Variants in PRKCE observed in about 807,000 individuals in gnomAD.
PRKCE encodes protein kinase C epsilon type.
Under a neutral mutation model 85.4 loss-of-function variants are expected in PRKCE, and 16 were observed. The observed-to-expected ratio is 0.19, with a 90% CI of 0.13 to 0.28. PRKCE has a LOEUF of 0.28. PRKCE is among the 10% of genes least tolerant of loss of function. The probability of loss-of-function intolerance (pLI) is 1.00; values close to 1 mark genes in which losing one functional copy is unlikely to be tolerated. For synonymous variants in PRKCE, 388 were observed against 371.5 expected (o/e 1.04, Z -0.51); for missense variants, 573 against 975.2 (o/e 0.59, Z 5.49).
Position 46,151,234 on chromosome 2 carries a change from G to GTCAC in PRKCE, c.1920+7_1920+10dup, listed in dbSNP as rs1288393487. On this transcript the variant is annotated splice_donor_region_variant and intron_variant, in intron 13 of 14. Coordinates refer to ENST00000306156, the MANE Select transcript of PRKCE (RefSeq NM_005400.3). The stretch of plus-strand genomic sequence containing the variant: ...GCTGTCAGCATCTTGAAAGCTGTGA[G>GTCAC]TCACTGCCCCTCACCCATGGCTGTG... 6.3e-7 allele frequency: 1 copy of GTCAC among 1,593,642 alleles called. No individual in the cohort carries two copies. Among genetic ancestry groups the GTCAC allele is most frequent in the African/African-American group, 1.3e-5 (1 of 74,178 alleles).
At chr2:45,891,526 G>C (rs114157149) in intron 2 of PRKCE, among the ~76,000 whole-genome samples, 1 of 152,146 alleles carries the variant, frequency 6.6e-6, no homozygotes, top group East Asian at 1.9e-4. Context: ...TTTTCACCCC[G>C]TCAAGTTTCC....
chr2:46,024,507 G>C (rs1706946495), intron 10 of PRKCE, among the ~76,000 whole-genome samples: 1 of 152,060 alleles, frequency 6.6e-6, no homozygotes, highest in Admixed American at 6.6e-5. Flanking sequence ...TATTCACCTG[G>C]GATTCATCAG....
chr2:46,135,634 A>C (rs986202406), intron 11 of PRKCE, among the ~76,000 whole-genome samples: 2 of 151,010 alleles, frequency 1.3e-5, no homozygotes, highest in Non-Finnish European at 2.9e-5. Context: ...AGACTTGGAG[A>C]GATTTTCCCT....
chr2:45,697,570 T>C lies in PRKCE; in HGVS notation c.348+45122T>C, dbSNP rs1678259220. On this transcript the variant is annotated intron_variant, in intron 1 of 14. Transcript: ENST00000306156. The surrounding 1 kb of genome is among the most constrained non-coding windows in gnomAD (Gnocchi z 4.2). ...CTCAGGGTGGACTGGTTGGCATCTC[T>C]ATGTGGGTGGCATCTCTAGCTCTTT... is the stretch of plus-strand genomic sequence containing the variant. 6.6e-6 allele frequency among the ~76,000 whole-genome samples: 1 copy of C among 152,138 alleles called. No homozygotes were observed. Among genetic ancestry groups the C allele is most frequent in the Non-Finnish European group, 1.5e-5 (1 of 68,022 alleles).
chr2:45,858,205 G>C (rs918531198), intron 2 of PRKCE, among the ~76,000 whole-genome samples: 3 of 152,162 alleles, frequency 2.0e-5, no homozygotes, highest in Admixed American at 6.5e-5. Context: ...TTCTAGCCGC[G>C]ACACTACCAG....
Position 45,667,224 on chromosome 2 carries a change from T to G in PRKCE, c.348+14776T>G, listed in dbSNP as rs566389882. ...TACTTGGGAGGCTGAGGCACGAGAATAGCTTGAACCCTGGAGGGGGAGGTT... is the reference window on the plus strand; with the variant it reads ...TACTTGGGAGGCTGAGGCACGAGAAGAGCTTGAACCCTGGAGGGGGAGGTT... On this transcript the variant is annotated intron_variant, in intron 1 of 14. Coordinates refer to ENST00000306156, the MANE Select transcript of PRKCE (RefSeq NM_005400.3). Among the ~76,000 whole-genome samples the G allele has an allele frequency of 2.0e-5, 3 of 152,134 alleles. No homozygotes were observed. In the South Asian group the frequency reaches 6.2e-4, roughly 32 times the overall value.
At chr2:45,762,150 C>G (rs935562408) in intron 1 of PRKCE, among the ~76,000 whole-genome samples, 1 of 152,160 alleles carries the variant, frequency 6.6e-6, no homozygotes, top group Admixed American at 6.5e-5. Flanking sequence ...GACTTTTACT[C>G]TCATCAATGG....
chr2:45,768,694 CTCTG>C (rs1372547899), intron 1 of PRKCE, among the ~76,000 whole-genome samples: 2 of 152,198 alleles, frequency 1.3e-5, no homozygotes, highest in Admixed American at 6.5e-5. Flanking sequence ...TATCCAAATG[CTCTG>C]TCTTTCACAT....
In PRKCE at chr2:45,691,109, G is replaced by GGTTCTAAAA. The variant is rs570739809; in HGVS notation, c.348+38663_348+38671dup. ...GGGGAGCATTAAGTTTCAGGACTAAGGTTCTAAAAGCTGTAACCAGGCCAG... is the reference window on the plus strand; with the variant it reads ...GGGGAGCATTAAGTTTCAGGACTAAGGTTCTAAAAGTTCTAAAAGCTGTAACCAGGCCAG... On this transcript the variant is annotated intron_variant, in intron 1 of 14. Transcript: ENST00000306156. Among the ~76,000 whole-genome samples the GGTTCTAAAA allele has an allele frequency of 4.6e-5, 7 of 152,322 alleles. No homozygotes were observed. The South Asian group carries it at 1.5e-3, about 32-fold the overall frequency.
chr2:45,715,013 G>T (rs568223114), intron 1 of PRKCE, among the ~76,000 whole-genome samples: 1 of 152,334 alleles, frequency 6.6e-6, no homozygotes, highest in South Asian at 2.1e-4. Flanking sequence ...AGGATTTGTT[G>T]TTTTCCCTGA....
intron 1 of PRKCE, among the ~76,000 whole-genome samples, chr2:45,781,639 G>GCCCGCC (rs1297330424): frequency 6.6e-6 from 1 of 151,962 alleles, no homozygotes; most frequent in East Asian, 1.9e-4. Context: ...CTCCACCCGC[G>GCCCGCC]CCCGCCCCCC....
intron 2 of PRKCE, among the ~76,000 whole-genome samples, chr2:45,903,200 C>T (rs1004555481): frequency 3.3e-5 from 5 of 152,196 alleles, no homozygotes; most frequent in African/African-American, 4.8e-5. Context: ...TTAAATAAGT[C>T]AGTGAATGAG....
intron 14 of PRKCE, among the ~76,000 whole-genome samples, chr2:46,161,403 G>C (rs1027394702): frequency 6.6e-6 from 1 of 152,214 alleles, no homozygotes; most frequent in African/African-American, 2.4e-5. Flanking sequence ...AAGAATCGAG[G>C]CCCAACTAAC....
intron 1 of PRKCE, among the ~76,000 whole-genome samples, chr2:45,766,014 C>T (rs944529591): frequency 1.3e-5 from 2 of 152,164 alleles, no homozygotes; most frequent in African/African-American, 2.4e-5. Context: ...TCCCCTCCCC[C>T]ACCTCCAGGC....
intron 2 of PRKCE, among the ~76,000 whole-genome samples, chr2:45,918,032 C>T (rs758800712): frequency 3.3e-5 from 5 of 152,242 alleles, no homozygotes; most frequent in South Asian, 2.1e-4. Context: ...CCGCGCGCAG[C>T]CCCGGTTCCC....
chr2:45,962,005 C>T (rs937903946), intron 2 of PRKCE, among the ~76,000 whole-genome samples: 2 of 152,148 alleles, frequency 1.3e-5, no homozygotes, highest in Non-Finnish European at 2.9e-5. Context: ...GCCAGGGATT[C>T]TTAAGACTGT....
chr2:46,097,289 T>G (rs1424136435), intron 11 of PRKCE, among the ~76,000 whole-genome samples: 1 of 151,708 alleles, frequency 6.6e-6, no homozygotes, highest in African/African-American at 2.4e-5. Flanking sequence ...GAGGCCGAGG[T>G]GGGTGGATCA....
chr2:45,662,263 C>A (rs1675703174), intron 1 of PRKCE, among the ~76,000 whole-genome samples: 1 of 152,174 alleles, frequency 6.6e-6, no homozygotes, highest in Admixed American at 6.5e-5. Flanking sequence ...CCCACTATGT[C>A]AAGAACTGGT....
intron 2 of PRKCE, among the ~76,000 whole-genome samples, chr2:45,941,083 A>T (rs888611019): frequency 6.6e-6 from 1 of 150,702 alleles, no homozygotes; most frequent in African/African-American, 2.4e-5. Context: ...AAAAAAAAAA[A>T]AAAAGATGAT....
Sources: gnomAD v4.1 joint callset for allele counts (sites outside exome capture counted in the v4.1 genomes callset) on GRCh38, gnomAD v4.1.1 for gene constraint, Gnocchi (gnomAD v3.1) non-coding constraint, MANE v1.5 for transcripts, NCBI Gene and HGNC (gene_info 2026-07-23, HGNC 2026-07-21) for gene names.